Variants in RTCA observed in about 807,000 individuals in gnomAD.
RTCA encodes RNA 3'-terminal phosphate cyclase.
In RTCA, 37 loss-of-function variants were observed where a neutral mutation model predicts 46.1. The observed-to-expected ratio is 0.80, with a 90% CI of 0.62 to 1.06. The LOEUF is 1.06. RTCA is among the 50% of genes least tolerant of loss of function. RTCA has a pLI of 0.00. For synonymous variants in RTCA, 164 were observed against 158.3 expected (o/e 1.04, Z -0.27); for missense variants, 435 against 455.5 (o/e 0.95, Z 0.41).
intron 8 of RTCA, chr1:100,281,277 G>C (rs1404626620): frequency 7.5e-6 from 4 of 534,038 alleles, no homozygotes; most frequent in Non-Finnish European, 1.2e-5. Flanking sequence ...ATTTTGTTTT[G>C]TCTGAGAAAA....
At chr1:100,277,210 T>A in intron 7 of RTCA, 48 bp from the exon 8 acceptor site, 2 of 1,534,604 alleles carry the variant, frequency 1.3e-6, no homozygotes, top group Middle Eastern at 1.7e-4. Flanking sequence ...TTTGCATAAA[T>A]TTGGAACATT....
At chr1:100,266,860 C>T (rs1256002497) in intron 2 of RTCA, 1 of 533,896 alleles carries the variant, frequency 1.9e-6, no homozygotes, top group South Asian at 2.7e-5. Context: ...TAAATAGTGT[C>T]ATTTGCTGAA....
At chr1:100,284,633 A>G (rs929767902) in intron 8 of RTCA, among the ~76,000 whole-genome samples, 3 of 152,158 alleles carry the variant, frequency 2.0e-5, no homozygotes, top group Non-Finnish European at 4.4e-5. Context: ...ACCTCAAGTG[A>G]TCCATCCGCC....
At chr1:100,275,071 A>ACATTATTTCTTTCCTT in intron 6 of RTCA, 106 bp downstream of exon 6, 1 of 1,194,926 alleles carries the variant, frequency 8.4e-7, no homozygotes, top group Non-Finnish European at 1.2e-6. Flanking sequence ...TTTTTTAAGG[A>ACATTATTTCTTTCCTT]AAGAAATAAT....
rs376293222 is a variant in RTCA at position 100,291,545 on chromosome 1, C to T, written c.*41C>T. The T allele has an allele frequency of 4.3e-6, 5 of 1,160,506 alleles. No individual in the cohort carries two copies. The highest frequency in any genetic ancestry group is 3.1e-5 in the African/African-American group (2 of 64,314). The allele number at this position is 1,160,506 out of a possible 1,614,324, so 71.9% of individuals were successfully genotyped here. A position where few individuals can be genotyped will look rare whatever the true frequency, so the allele number is the denominator to read the frequency against. ...AATGATACCTCATTGATATATTGCA[C>T]TATTTCATAAATACTATAAAATAAT... On this transcript the variant is annotated 3_prime_UTR_variant, in exon 11 of 11. Transcript: ENST00000370128.
chr1:100,269,898 C>T (rs1449534785), intron 3 of RTCA, among the ~76,000 whole-genome samples: 1 of 152,152 alleles, frequency 6.6e-6, no homozygotes, highest in African/African-American at 2.4e-5. Context: ...CATGTGTTCT[C>T]ATTGTTCAAC....
At chr1:100,269,437 C>T (rs1352666152) in intron 3 of RTCA, among the ~76,000 whole-genome samples, 1 of 146,584 alleles carries the variant, frequency 6.8e-6, no homozygotes, top group Admixed American at 7.0e-5. Flanking sequence ...GCCTTGACCT[C>T]TTGGGCTCAG....
intron 9 of RTCA, among the ~76,000 whole-genome samples, chr1:100,286,197 A>G (rs1381863775): frequency 6.6e-6 from 1 of 152,118 alleles, no homozygotes; most frequent in African/African-American, 2.4e-5. Flanking sequence ...TCAAGCCTGT[A>G]ATCCCAGCAC....
intron 9 of RTCA, among the ~76,000 whole-genome samples, chr1:100,286,447 T>A (rs1476617594): frequency 7.5e-5 from 7 of 92,974 alleles, no homozygotes; most frequent in Admixed American, 1.6e-4. Flanking sequence ...AGAGCAAGAC[T>A]CCGTCTCAAA....
chr1:100,271,935 T>C (rs1570876071), intron 4 of RTCA, among the ~76,000 whole-genome samples: 1 of 152,244 alleles, frequency 6.6e-6, no homozygotes. Context: ...GGGATAATAC[T>C]GTACGTAGGC....
intron 10 of RTCA, among the ~76,000 whole-genome samples, chr1:100,290,416 T>C (rs555378557): frequency 2.6e-5 from 4 of 152,292 alleles, no homozygotes; most frequent in East Asian, 1.9e-4. Context: ...TTGTTTTGAT[T>C]CTAAATTTAG....
chr1:100,277,414 A>G, intron 8 of RTCA, 98 bp downstream of exon 8: 1 of 1,069,418 alleles, frequency 9.4e-7, no homozygotes, highest in Non-Finnish European at 1.4e-6. Context: ...TGAAAGTTTA[A>G]AAGGATGTAG....
At chr1:100,269,997 C>G (rs1665995813) in intron 3 of RTCA, among the ~76,000 whole-genome samples, 1 of 152,156 alleles carries the variant, frequency 6.6e-6, no homozygotes, top group Admixed American at 6.5e-5. Context: ...TCATCCATGT[C>G]CCTGCAAAGG....
intron 9 of RTCA, 117 bp from the exon 10 acceptor site, chr1:100,286,982 G>T: frequency 1.5e-6 from 1 of 666,118 alleles, no homozygotes; most frequent in Admixed American, 4.0e-5. Context: ...TAAAGAAATA[G>T]AAATTCTGTT....
intron 7 of RTCA, 36 bp from the exon 8 acceptor site, chr1:100,277,222 A>G: frequency 1.3e-6 from 2 of 1,583,058 alleles, no homozygotes; most frequent in Non-Finnish European, 1.7e-6. Context: ...TGGAACATTT[A>G]TAGCAAAGGT....
rs191642666 is a variant in RTCA, at chr1:100,269,191, C to T, written c.290+896C>T. Among the ~76,000 whole-genome samples the T allele has an allele frequency of 1.3e-3, 195 of 151,654 alleles. 1 individual carries two copies. Among genetic ancestry groups the T allele is most frequent in the Admixed American group, 3.3e-3 (50 of 15,248 alleles). ...CCAGCCTGGGTGATGGAAGGAGCCC[C>T]TGTCTCAAAAAAAGAAAAGATAATG... On this transcript the variant is annotated intron_variant, in intron 3 of 10. Transcript: ENST00000370128.
intron 6 of RTCA, among the ~76,000 whole-genome samples, chr1:100,275,257 G>A (rs1666310278): frequency 6.6e-6 from 1 of 152,128 alleles, no homozygotes; most frequent in Non-Finnish European, 1.5e-5. Context: ...AGGGGGCTGA[G>A]GGTTGAAACA....
chr1:100,274,986 TAGAA>T (rs1259692083), intron 6 of RTCA, 21 bp downstream of exon 6: 1 of 1,577,718 alleles, frequency 6.3e-7, no homozygotes, highest in East Asian at 2.3e-5. Flanking sequence ...TAGATGTTCT[TAGAA>T]ATAAAATATA....
chr1:100,283,683 A>T (rs1666848223), intron 8 of RTCA, among the ~76,000 whole-genome samples: 1 of 152,154 alleles, frequency 6.6e-6, no homozygotes, highest in African/African-American at 2.4e-5. Flanking sequence ...GGCTAACAAG[A>T]AGTCAAGATT....
Sources: allele counts gnomAD v4.1 joint callset (sites outside exome capture counted in the v4.1 genomes callset), GRCh38; gene constraint gnomAD v4.1.1; transcripts MANE v1.5; gene names NCBI Gene and HGNC (gene_info 2026-07-23, HGNC 2026-07-21).